Variants in ATP13A1 observed in about 807,000 individuals in gnomAD.
ATP13A1 encodes the protein ATPase 13A1.
In ATP13A1, 55 loss-of-function variants were observed where a neutral mutation model predicts 134.8. That is an observed-to-expected ratio of 0.41 (90% CI 0.33 to 0.51). The LOEUF is 0.51. Among genes scored for constraint, ATP13A1 ranks in the 20% least tolerant of loss-of-function variants. The pLI, the probability that ATP13A1 is intolerant of heterozygous loss-of-function variation, is 0.29. For synonymous variants in ATP13A1, 775 were observed against 725.1 expected, an observed-to-expected ratio of 1.07 and a Z score of -1.10; for missense variants, 1,389 against 1,652.8, an observed-to-expected ratio of 0.84 and a Z score of 2.77.
intron 3 of ATP13A1, among the ~76,000 whole-genome samples, chr19:19,659,027 A>AGGTCTCACACCCCAGG (rs1376253906): frequency 2.6e-5 from 4 of 152,220 alleles, no homozygotes; most frequent in African/African-American, 9.6e-5. Flanking sequence ...CTTACACTCA[A>AGGTCTCACACCCCAGG]GGTCTCACAC....
chr19:19,649,880 G>A lies in ATP13A1; in HGVS notation c.2396C>T (p.Ser799Phe), dbSNP rs771406950. ...GTACTCCAGGGCCAGTGCCTTTGGG[G>A]AGCCCCGGGCCAGGGGCAGCACGAT... The part of the protein sequence containing the change: ...GSIVLPLARG[S>F]PKALALEYAL... Residue 799 changes from serine to phenylalanine, a missense_variant, in exon 18 of 26, where the codon TCC becomes TTC. By Grantham distance (155) the Ser-to-Phe change is radical. Coordinates refer to ENST00000357324, the MANE Select transcript of ATP13A1 (RefSeq NM_020410.3). 185 of 1,602,040 alleles carry A rather than the reference G, an allele frequency of 1.2e-4. No individual in the cohort carries two copies. The highest frequency in any genetic ancestry group is 1.5e-4 in the Non-Finnish European group (176 of 1,179,584).
intron 17 of ATP13A1, chr19:19,650,226 C>A (rs1217243379): frequency 1.9e-6 from 1 of 537,306 alleles, no homozygotes; most frequent in East Asian, 3.2e-5. Context: ...ATGCCCCCAC[C>A]TCATGCAAGG....
chr19:19,660,094 T>C lies in ATP13A1; in HGVS notation c.397-107A>G, dbSNP rs551840301. On this transcript the variant is annotated intron_variant, in intron 1 of 25. Coordinates refer to ENST00000357324, the MANE Select transcript of ATP13A1 (RefSeq NM_020410.3). ...GCAGCTCTATGGGTATATTCTGAAA[T>C]GCCACTGGGCTCTGGTGCTGCCTCT... 87 of 899,296 alleles carry C rather than the reference T, an allele frequency of 9.7e-5. No homozygotes were observed. The South Asian group carries it at 1.3e-3, about 14-fold the overall frequency. The allele number at this position is 899,296 out of a possible 1,614,324, so 55.7% of individuals were successfully genotyped here.
chr19:19,648,513 A>AG (rs1405966968), intron 19 of ATP13A1, among the ~76,000 whole-genome samples: 24 of 143,568 alleles, frequency 1.7e-4, no homozygotes, highest in African/African-American at 6.5e-4. Flanking sequence ...AAAAAAAAAG[A>AG]AAAAAGAAAA....
In ATP13A1 at chr19:19,646,528, G is replaced by A. The variant is rs1599425864; in HGVS notation, c.3106-181C>T. 9.7e-6 allele frequency: 7 copies of A among 721,972 alleles called. No homozygotes were observed. The East Asian group carries it at 1.9e-4, about 20-fold the overall frequency. 44.7% of individuals were successfully genotyped at this position (721,972 alleles called of 1,614,324 possible). On this transcript the variant is annotated intron_variant, in intron 22 of 25. Transcript: ENST00000357324. ...ATCCCTGCCTGCCTCTCACCCCTGA[G>A]CCCAGGGCTGCCTCCCTGGCCCCGG...
intron 23 of ATP13A1, 59 bp from the exon 24 acceptor site, chr19:19,646,044 T>TA: frequency 1.2e-6 from 2 of 1,601,140 alleles, no homozygotes; most frequent in East Asian, 4.5e-5. Flanking sequence ...ACACACTGTG[T>TA]GGCTTCCTGC....
Position 19,657,153 on chromosome 19 carries a change from T to G in ATP13A1, c.751-4A>C, listed in dbSNP as rs984644022. On this transcript the variant is annotated splice_polypyrimidine_tract_variant and splice_region_variant and intron_variant, in intron 4 of 25. Coordinates refer to ENST00000357324, the MANE Select transcript of ATP13A1 (RefSeq NM_020410.3). The stretch of plus-strand genomic sequence containing the variant: ...ACCAGAGCCCCACACAGAACACCTG[T>G]GGGATACCAGCCTGTCTGTCCTTGC... 3 of 1,503,502 alleles carry G rather than the reference T, an allele frequency of 2.0e-6. No individual in the cohort carries two copies. The highest frequency in any genetic ancestry group is 2.7e-6 in the Non-Finnish European group (3 of 1,126,852). The allele number at this position is 1,503,502 out of a possible 1,614,324, so 93.1% of individuals were successfully genotyped here. A position where few individuals can be genotyped will look rare whatever the true frequency, so the allele number is the denominator to read the frequency against.
chr19:19,657,407 C>T lies in ATP13A1; in HGVS notation c.679G>A (p.Ala227Thr). 1 of 1,564,780 alleles carries T rather than the reference C, an allele frequency of 6.4e-7. No homozygotes were observed. Among genetic ancestry groups the T allele is most frequent in the South Asian group, 1.2e-5 (1 of 84,880 alleles). ...GAGAAGTCAGGCACCACCATCTCGG[C>T]CCTGCAAGAGACCAGGCCCCATCCT... is the stretch of plus-strand genomic sequence containing the variant. ...AAEKKFGSNK[A>T]EMVVPDFSEL... Residue 227 changes from alanine (A) to threonine (T), a missense_variant and splice_region_variant, in exon 4 of 26, where the codon GCC (alanine) becomes ACC (threonine). Physicochemically the swap from Ala to Thr is moderately conservative, Grantham distance 58. Transcript: ENST00000357324.
In ATP13A1 at chr19:19,645,442, T is replaced by C; in HGVS notation, c.3595A>G (p.Lys1199Glu). ...CCATCTCAGGAAGGCACTTTCAGCT[T>C]CGGGGTCCCCAGGAAGAACTGCAGG... ...RVLQFFLGTP[K>E]LKVPS Residue 1199 changes from lysine to glutamate, a missense_variant, in exon 26 of 26, where the codon AAG becomes GAG. Lys to Glu is a moderately conservative substitution (Grantham distance 56, BLOSUM62 1). Around this residue, in one of 4 missense-constraint regions of ATP13A1, gnomAD observed 228 missense variants for 321.0 expected, o/e 0.71. Coordinates refer to ENST00000357324, the MANE Select transcript of ATP13A1 (RefSeq NM_020410.3). The surrounding 1 kb of genome is among the most constrained non-coding windows in gnomAD (Gnocchi z 4.1). The C allele has an allele frequency of 6.2e-7, 1 of 1,604,022 alleles. No homozygotes were observed. Among genetic ancestry groups the C allele is most frequent in the Non-Finnish European group, 8.5e-7 (1 of 1,176,000 alleles).
rs761605072 is a variant in ATP13A1, at chr19:19,645,788, G to A, written c.3363C>T (p.Gly1121=). Residue 1121 remains glycine (G), a splice_region_variant and synonymous_variant, in exon 25 of 26, where the codon GGC becomes GGT. Transcript: ENST00000357324. This position sits in a 1 kb window ranked among gnomAD's most constrained non-coding sequence, Gnocchi z 4.1. ...CGGGCAGGCTCTCCATGAAGGGCGG[G>A]CCCTGTGGGGATGAGGGACAGATGG... ...QMATFAINYK[G]PPFMESLPEN... is the part of the protein sequence containing the mutation. 31 of 1,602,646 alleles carry A rather than the reference G, an allele frequency of 1.9e-5. No individual in the cohort carries two copies. The highest frequency in any genetic ancestry group is 3.3e-4 in the Middle Eastern group (2 of 6,062).
intron 4 of ATP13A1, 87 bp from the exon 5 acceptor site, chr19:19,657,236 G>A (rs1359070418): frequency 6.0e-6 from 9 of 1,489,840 alleles, no homozygotes; most frequent in African/African-American, 2.8e-5. Context: ...ATGTGAGGGT[G>A]GGGAGAGGCT....
chr19:19,652,765 C>A, intron 15 of ATP13A1, 45 bp from the exon 16 acceptor site: 1 of 1,566,166 alleles, frequency 6.4e-7, no homozygotes. Flanking sequence ...CCTCCCTCTG[C>A]CCACACTCTG....
At chr19:19,651,657 C>G in intron 17 of ATP13A1, 32 bp downstream of exon 17, 2 of 1,570,656 alleles carry the variant, frequency 1.3e-6, no homozygotes, top group South Asian at 1.1e-5. Context: ...CAGGGTCCCC[C>G]TTCCCCACTG....
intron 16 of ATP13A1, among the ~76,000 whole-genome samples, chr19:19,652,347 G>A (rs2062030101): frequency 1.3e-5 from 2 of 152,214 alleles, no homozygotes. Context: ...GAAGTGGAGA[G>A]AAGTGCCCCC....
At chr19:19,654,217 G>A (rs1022405824) in intron 13 of ATP13A1, 73 bp from the exon 14 acceptor site, 35 of 1,431,098 alleles carry the variant, frequency 2.4e-5, no homozygotes, top group Admixed American at 1.1e-4. Flanking sequence ...CTCTCACCCC[G>A]GCCTCCCCCA....
rs1276337955 is a variant in ATP13A1, at chr19:19,646,323, G to A, written c.3130C>T (p.Arg1044Trp). 2 of 1,613,940 alleles carry A rather than the reference G, an allele frequency of 1.2e-6. No individual in the cohort carries two copies. Among genetic ancestry groups the A allele is most frequent in the Non-Finnish European group, 8.5e-7 (1 of 1,179,848 alleles). The change falls in exon 23 of 26, where the codon CGG becomes TGG. Residue 1044 changes from arginine (R) to tryptophan (W), a missense_variant. Physicochemically the swap from Arg to Trp is moderately radical, Grantham distance 101 (BLOSUM62 -3). Around this residue, in one of 4 missense-constraint regions of ATP13A1, gnomAD observed 228 missense variants for 321.0 expected, o/e 0.71. Coordinates refer to ENST00000357324, the MANE Select transcript of ATP13A1 (RefSeq NM_020410.3). ...SKPLKTLSRE[R>W]PLPNIFNLYT... The stretch of plus-strand genomic sequence containing the variant: ...AGGTTGAAGATGTTGGGCAGGGGCC[G>A]TTCTCGGGAGAGGGTCTTGAGGGGC...
At chr19:19,646,892 C>G in intron 22 of ATP13A1, 1 of 556,510 alleles carries the variant, frequency 1.8e-6, no homozygotes, top group South Asian at 2.4e-5. Context: ...CTCTGTGGGG[C>G]CCACCCCTGG....
At position 19,645,384 on chromosome 19, in the gene ATP13A1, G is replaced by A. The variant is rs199852689; in HGVS notation, c.*38C>T. ...GGCCCTGTTGGGGTTCCCGCCCAGC[G>A]GCAGCCAGGGTGGGCAGTGGGTACC... On this transcript the variant is annotated 3_prime_UTR_variant, in exon 26 of 26. Transcript: ENST00000357324. This position sits in a 1 kb window ranked among gnomAD's most constrained non-coding sequence, Gnocchi z 4.1. The A allele has an allele frequency of 5.8e-6, 9 of 1,560,040 alleles. No homozygotes were observed. The highest frequency in any genetic ancestry group is 6.1e-6 in the Non-Finnish European group (7 of 1,152,522).
intron 19 of ATP13A1, among the ~76,000 whole-genome samples, chr19:19,648,895 G>A (rs1469421700): frequency 6.6e-6 from 1 of 151,156 alleles, no homozygotes; most frequent in Non-Finnish European, 1.5e-5. Context: ...GCCAAGGCGG[G>A]TGGATCACTT....
Sources: allele counts gnomAD v4.1 joint callset (sites outside exome capture counted in the v4.1 genomes callset), GRCh38; gene constraint gnomAD v4.1.1; regional missense constraint gnomAD v4.1.1; non-coding constraint Gnocchi (gnomAD v3.1); transcripts MANE v1.5; gene names NCBI Gene and HGNC (gene_info 2026-07-23, HGNC 2026-07-21).